MARCHF1: variants seen among roughly 807,000 people sequenced by gnomAD.
The protein encoded by MARCHF1 is membrane associated ring-CH-type finger 1.
Under a neutral mutation model 54.2 loss-of-function variants are expected in MARCHF1, and 40 were observed. The ratio of observed to expected loss-of-function variants is 0.74; its 90% confidence interval spans 0.57 to 0.96. The LOEUF (loss-of-function observed/expected upper bound fraction) is 0.96, where lower values mean the gene tolerates loss of function less well. Among genes scored for constraint, MARCHF1 ranks in the 40% least tolerant of loss-of-function variants. The probability of loss-of-function intolerance (pLI) is 0.00; values close to 1 mark genes in which losing one functional copy is unlikely to be tolerated. For synonymous variants in MARCHF1, 236 were observed against 236.3 expected, an observed-to-expected ratio of 1.00 and a Z score of 0.01; for missense variants, 586 against 656.5, an observed-to-expected ratio of 0.89 and a Z score of 1.17.
intron 4 of MARCHF1, among the ~76,000 whole-genome samples, chr4:163,842,125 A>T (rs1749357484): frequency 6.6e-6 from 1 of 152,146 alleles, no homozygotes; most frequent in Admixed American, 6.6e-5. Flanking sequence ...CCTAAAAAAG[A>T]GAATCTATTA....
intron 8 of MARCHF1, among the ~76,000 whole-genome samples, chr4:163,556,487 C>T (rs1047728816): frequency 3.9e-5 from 6 of 152,074 alleles, no homozygotes; most frequent in Non-Finnish European, 7.4e-5. Context: ...AAAATTCTTA[C>T]ATCCTATTTG....
chr4:163,903,254 G>A (rs73868932), intron 3 of MARCHF1, among the ~76,000 whole-genome samples: 3 of 135,538 alleles, frequency 2.2e-5, no homozygotes, highest in Non-Finnish European at 4.9e-5. Flanking sequence ...GTGTGTGTGT[G>A]TATGCATATA....
chr4:164,058,753 T>G (rs186395405), intron 2 of MARCHF1, among the ~76,000 whole-genome samples: 12 of 152,036 alleles, frequency 7.9e-5, no homozygotes, highest in Admixed American at 2.0e-4. Flanking sequence ...GGGGAAAAGA[T>G]TTTGTGGAAA....
At chr4:163,897,550 C>T (rs890886622) in intron 3 of MARCHF1, among the ~76,000 whole-genome samples, 1 of 151,942 alleles carries the variant, frequency 6.6e-6, no homozygotes, top group Non-Finnish European at 1.5e-5. Flanking sequence ...GAATAGAGAA[C>T]CTAGAAATAA....
intron 1 of MARCHF1, among the ~76,000 whole-genome samples, chr4:164,326,677 G>C (rs1458342616): frequency 3.9e-5 from 6 of 152,180 alleles, no homozygotes; most frequent in African/African-American, 7.2e-5. Context: ...TGTTTATGAA[G>C]TTGTATTTAT....
chr4:163,529,838 AT>A (rs1738283595), intron 9 of MARCHF1: 1 of 152,074 alleles, frequency 6.6e-6, no homozygotes, highest in Non-Finnish European at 1.5e-5. Context: ...TGTTAAATAT[AT>A]GAGGGTCAAG....
At chr4:164,040,143 C>T (rs1754093948) in intron 2 of MARCHF1, among the ~76,000 whole-genome samples, 2 of 141,850 alleles carry the variant, frequency 1.4e-5, no homozygotes, top group East Asian at 2.0e-4. Flanking sequence ...ATTTTATATC[C>T]ATAATTTTAT....
At chr4:164,040,324 A>G (rs1354319227) in intron 2 of MARCHF1, among the ~76,000 whole-genome samples, 2 of 135,980 alleles carry the variant, frequency 1.5e-5, no homozygotes, top group East Asian at 2.2e-4. Flanking sequence ...AAATATGTAT[A>G]AATACTTATA....
At chr4:163,726,587 T>A (rs978036765) in intron 4 of MARCHF1, among the ~76,000 whole-genome samples, 4 of 152,228 alleles carry the variant, frequency 2.6e-5, no homozygotes, top group South Asian at 2.1e-4. Flanking sequence ...TAGGTTTTTG[T>A]GAGGGCATAC....
intron 1 of MARCHF1, among the ~76,000 whole-genome samples, chr4:164,370,932 T>C (rs1731021519): frequency 6.6e-6 from 1 of 151,552 alleles, no homozygotes; most frequent in African/African-American, 2.4e-5. Context: ...AATATAAATA[T>C]AAATATAAAA....
intron 5 of MARCHF1, among the ~76,000 whole-genome samples, chr4:163,686,425 C>CA (rs1225602156): frequency 6.7e-6 from 1 of 148,836 alleles, no homozygotes; most frequent in African/African-American, 2.5e-5. Flanking sequence ...TGAATGGAGG[C>CA]ACCAAATTTC....
intron 3 of MARCHF1, among the ~76,000 whole-genome samples, chr4:163,978,275 C>T (rs183110935): frequency 2.9e-4 from 44 of 152,206 alleles, no homozygotes; most frequent in Admixed American, 1.8e-3. Context: ...TCTATGGAGT[C>T]ATGCAACCTT....
chr4:163,954,903 G>T (rs180882618), intron 3 of MARCHF1, among the ~76,000 whole-genome samples: 45 of 152,158 alleles, frequency 3.0e-4, no homozygotes, highest in African/African-American at 1.0e-3. Flanking sequence ...TATTTGCTTG[G>T]AGATTTCAAC....
chr4:164,071,171 G>A (rs1189240886), intron 2 of MARCHF1, among the ~76,000 whole-genome samples: 1 of 152,116 alleles, frequency 6.6e-6, no homozygotes, highest in Non-Finnish European at 1.5e-5. Flanking sequence ...TTTTTCAAAT[G>A]TAAAAACTAG....
chr4:164,203,219 G>A (rs1460655589), intron 1 of MARCHF1, among the ~76,000 whole-genome samples: 2 of 152,076 alleles, frequency 1.3e-5, no homozygotes, highest in Non-Finnish European at 2.9e-5. Context: ...CACAGGGAAG[G>A]AAGGATGTAT....
At chr4:163,655,568 C>T (rs1237471835) in intron 5 of MARCHF1, among the ~76,000 whole-genome samples, 1 of 151,784 alleles carries the variant, frequency 6.6e-6, no homozygotes, top group African/African-American at 2.4e-5. Context: ...TGATAGGTAT[C>T]TACAGGACTC....
chr4:163,603,465 C>G (rs1316538256), intron 7 of MARCHF1, among the ~76,000 whole-genome samples: 1 of 152,110 alleles, frequency 6.6e-6, no homozygotes, highest in Non-Finnish European at 1.5e-5. Context: ...CTCGACAGGG[C>G]TTTCACCAAT....
intron 2 of MARCHF1, among the ~76,000 whole-genome samples, chr4:164,073,958 C>T (rs1754921692): frequency 6.6e-6 from 1 of 152,086 alleles, no homozygotes; most frequent in African/African-American, 2.4e-5. Context: ...GCACGCACCA[C>T]CACACCCAGC....
At chr4:163,789,572 G>A (rs1025806839) in intron 4 of MARCHF1, among the ~76,000 whole-genome samples, 2 of 149,568 alleles carry the variant, frequency 1.3e-5, no homozygotes, top group Non-Finnish European at 3.0e-5. Context: ...AGTCATCTGA[G>A]GAGCTAGAAA....
Sources: gnomAD v4.1 joint callset for allele counts (sites outside exome capture counted in the v4.1 genomes callset) on GRCh38, gnomAD v4.1.1 for gene constraint, MANE v1.5 for transcripts, NCBI Gene and HGNC (gene_info 2026-07-23, HGNC 2026-07-21) for gene names.